PFKP: variants seen among roughly 807,000 people sequenced by gnomAD.
PFKP encodes the protein ATP-dependent 6-phosphofructokinase, platelet type.
Under a neutral mutation model 94.3 loss-of-function variants are expected in PFKP, and 101 were observed. That is an observed-to-expected ratio of 1.07 (90% CI 0.91 to 1.26). The LOEUF is 1.26. PFKP is among the 50% of genes most tolerant of loss of function. The pLI, the probability that PFKP is intolerant of heterozygous loss-of-function variation, is 0.00. For missense variants in PFKP, 1,145 were observed against 1,103.3 expected, an observed-to-expected ratio of 1.04 and a Z score of -0.53; for synonymous variants, 573 against 432.6, an observed-to-expected ratio of 1.32 and a Z score of -4.03.
intron 20 of PFKP, among the ~76,000 whole-genome samples, chr10:3,135,288 T>C (rs1309141220): frequency 6.6e-6 from 1 of 152,066 alleles, no homozygotes; most frequent in Non-Finnish European, 1.5e-5. Flanking sequence ...AAAATGACAG[T>C]CTATAAAAAC....
intron 1 of PFKP, among the ~76,000 whole-genome samples, chr10:3,076,198 G>T (rs1027798335): frequency 6.6e-6 from 1 of 152,098 alleles, no homozygotes; most frequent in African/African-American, 2.4e-5. Context: ...CCATGTGGAC[G>T]GGACGCACGT....
At chr10:3,107,803 T>TGGCAGGCTTC in intron 8 of PFKP, 1 of 1,211,300 alleles carries the variant, frequency 8.3e-7, no homozygotes, top group Non-Finnish European at 1.0e-6. Flanking sequence ...TGGCAGGCTT[T>TGGCAGGCTTC]GGCAGGCTTC....
At chr10:3,081,325 C>T (rs1456362590) in intron 1 of PFKP, among the ~76,000 whole-genome samples, 1 of 152,262 alleles carries the variant, frequency 6.6e-6, no homozygotes, top group African/African-American at 2.4e-5. Context: ...GCCTCTGTCA[C>T]AGATGCCCCT....
chr10:3,129,942 G>T lies in PFKP; in HGVS notation c.1807G>T (p.Ala603Ser). The T allele has an allele frequency of 1.9e-6, 3 of 1,603,782 alleles. No individual in the cohort carries two copies. Among genetic ancestry groups the T allele is most frequent in the Non-Finnish European group, 2.6e-6 (3 of 1,174,326 alleles). The change falls in exon 17 of 22, where the codon GCA becomes TCA. Residue 603 changes from alanine to serine, a missense_variant. Physicochemically the swap from Ala to Ser is moderately conservative, Grantham distance 99 (BLOSUM62 1). Around this residue, in one of 3 missense-constraint regions of PFKP, gnomAD observed 1,119 missense variants for 1,062.8 expected, o/e 1.05. Coordinates refer to ENST00000381125, the MANE Select transcript of PFKP (RefSeq NM_002627.5). ...MGGLAAGADAAYIFEEPFDIR... is the reference protein window; with the variant it reads ...MGGLAAGADASYIFEEPFDIR... ...GGGGCTCGCGGCCGGAGCTGATGCC[G>T]CATACATTTTCGAAGAGCCCTTCGA...
chr10:3,113,620 G>A, intron 13 of PFKP, 102 bp downstream of exon 13: 1 of 840,952 alleles, frequency 1.2e-6, no homozygotes, highest in South Asian at 1.7e-5. Flanking sequence ...ACCTTTTCAT[G>A]CCTCAGTCCG....
chr10:3,082,545 T>TC (rs1008777611), intron 2 of PFKP, 84 bp downstream of exon 2: 1 of 934,436 alleles, frequency 1.1e-6, no homozygotes, highest in South Asian at 1.8e-5. Flanking sequence ...CACCCCTGCC[T>TC]CCCCCATGCT....
chr10:3,120,282 C>T (rs1837270632), intron 16 of PFKP, among the ~76,000 whole-genome samples: 1 of 151,968 alleles, frequency 6.6e-6, no homozygotes, highest in Non-Finnish European at 1.5e-5. Context: ...GTAGTGTGGC[C>T]GAGACTCCAG....
At position 3,067,676 on chromosome 10, in the gene PFKP, C is replaced by A. The variant is rs1381366453; in HGVS notation, c.81C>A (p.Ile27=). The change falls in exon 1 of 22, where the codon ATC becomes ATA. Residue 27 remains isoleucine, a synonymous_variant. Coordinates refer to ENST00000381125, the MANE Select transcript of PFKP (RefSeq NM_002627.5). ...ACCTCTCCGGGGCCGGCAAGGCCAT[C>A]GGCGTGCTGACCAGCGGCGGGGATG... is the stretch of plus-strand genomic sequence containing the variant. ...LEHLSGAGKA[I]GVLTSGGDAQ... 5.2e-6 allele frequency: 8 copies of A among 1,529,898 alleles called. No individual in the cohort carries two copies. Among genetic ancestry groups the A allele is most frequent in the Non-Finnish European group, 8.8e-7 (1 of 1,137,938 alleles). 94.8% of individuals were successfully genotyped at this position (1,529,898 alleles called of 1,614,324 possible).
chr10:3,068,006 C>G (rs888178291), intron 1 of PFKP, among the ~76,000 whole-genome samples: 1 of 152,146 alleles, frequency 6.6e-6, no homozygotes, highest in African/African-American at 2.4e-5. Flanking sequence ...GTAGGAACCT[C>G]CATCCGGAAG....
At chr10:3,089,566 C>T (rs550877038) in intron 2 of PFKP, among the ~76,000 whole-genome samples, 1 of 151,946 alleles carries the variant, frequency 6.6e-6, no homozygotes, top group South Asian at 2.1e-4. Context: ...ATATCCATCA[C>T]CTCAAGAACA....
intron 3 of PFKP, among the ~76,000 whole-genome samples, chr10:3,100,006 C>T (rs369856830): frequency 6.7e-6 from 1 of 149,110 alleles, no homozygotes; most frequent in Non-Finnish European, 1.5e-5. Flanking sequence ...GAATGTGTAT[C>T]TGTGTGTGGG....
Position 3,088,717 on chromosome 10 carries a change from T to C in PFKP, c.186+6256T>C, listed in dbSNP as rs926530119. Among the ~76,000 whole-genome samples, 4 of 152,296 alleles carry C rather than the reference T, an allele frequency of 2.6e-5. No individual in the cohort carries two copies. In the South Asian group the frequency reaches 8.3e-4, roughly 32 times the overall value. ...ACATGTGATTTTTTTAAAATTTATTTTATTGAAGTAAAATATGCATATATC... is the reference window on the plus strand; with the variant it reads ...ACATGTGATTTTTTTAAAATTTATTCTATTGAAGTAAAATATGCATATATC... On this transcript the variant is annotated intron_variant, in intron 2 of 21. Coordinates refer to ENST00000381125, the MANE Select transcript of PFKP (RefSeq NM_002627.5).
chr10:3,068,203 C>G (rs1188777872), intron 1 of PFKP, among the ~76,000 whole-genome samples: 1 of 152,114 alleles, frequency 6.6e-6, no homozygotes, highest in Non-Finnish European at 1.5e-5. Flanking sequence ...CGCACGCCAC[C>G]CCCTAGAATG....
chr10:3,104,507 C>T (rs994205373), intron 5 of PFKP, among the ~76,000 whole-genome samples: 1 of 152,232 alleles, frequency 6.6e-6, no homozygotes, highest in Non-Finnish European at 1.5e-5. Flanking sequence ...GGAGAGTGCC[C>T]GAATCCAGTC....
chr10:3,132,260 C>T, intron 17 of PFKP, 120 bp from the exon 18 acceptor site: 2 of 699,418 alleles, frequency 2.9e-6, no homozygotes, highest in South Asian at 1.6e-5. Flanking sequence ...GCGAGAGCTG[C>T]AGCCTCCTTG....
rs35306351 is a variant in PFKP, at chr10:3,077,249, C to CTTTT, written c.113-5131_113-5128dup. On this transcript the variant is annotated intron_variant, in intron 1 of 21. Coordinates refer to ENST00000381125, the MANE Select transcript of PFKP (RefSeq NM_002627.5). ...TTCATTAGAGTTCATCTATTCTTTA[C>CTTTT]TTTTTTTTTTTCTTTTTTTTTTTTT... Among the ~76,000 whole-genome samples, 401 of 108,100 alleles carry CTTTT rather than the reference C, an allele frequency of 3.7e-3. 3 individuals are homozygous for CTTTT. Among genetic ancestry groups the CTTTT allele is most frequent in the Non-Finnish European group, 5.4e-3 (299 of 54,948 alleles). 70.9% of individuals were successfully genotyped at this position (108,100 alleles called of 152,430 possible).
intron 2 of PFKP, among the ~76,000 whole-genome samples, chr10:3,089,035 G>T (rs766311191): frequency 1.3e-5 from 2 of 152,188 alleles, no homozygotes; most frequent in South Asian, 2.1e-4. Flanking sequence ...GGGTTCAAGC[G>T]ATTCTCCTGC....
intron 10 of PFKP, among the ~76,000 whole-genome samples, chr10:3,110,072 C>A (rs192994445): frequency 2.0e-5 from 3 of 152,314 alleles, no homozygotes; most frequent in Admixed American, 2.0e-4. Flanking sequence ...CGAAGATACA[C>A]CCACCCTTCT....
At chr10:3,100,573 C>T (rs181124233) in intron 3 of PFKP, among the ~76,000 whole-genome samples, 9 of 152,068 alleles carry the variant, frequency 5.9e-5, no homozygotes, top group African/African-American at 1.9e-4. Flanking sequence ...GCCTGCAGAC[C>T]GAAGGCAGGG....
Sources: gnomAD v4.1 joint callset for allele counts (sites outside exome capture counted in the v4.1 genomes callset) on GRCh38, gnomAD v4.1.1 for gene constraint, gnomAD v4.1.1 regional missense constraint, MANE v1.5 for transcripts, NCBI Gene and HGNC (gene_info 2026-07-23, HGNC 2026-07-21) for gene names.